The following KDM2B variants were observed in gnomAD, a reference collection of about 807,000 sequenced individuals.
KDM2B encodes lysine demethylase 2B.
A neutral mutation model predicts 150.0 loss-of-function variants in KDM2B; 26 were observed. The observed-to-expected ratio is 0.17, with a 90% CI of 0.13 to 0.24. The LOEUF (loss-of-function observed/expected upper bound fraction) is 0.24, where lower values mean the gene tolerates loss of function less well. Ranked by LOEUF, KDM2B falls within the 10% of genes least tolerant of loss-of-function variation. The pLI, the probability that KDM2B is intolerant of heterozygous loss-of-function variation, is 1.00. For missense variants in KDM2B, 1,265 were observed against 1,816.9 expected (o/e 0.70, Z 5.52); for synonymous variants, 734 against 729.5 (o/e 1.01, Z -0.10).
intron 4 of KDM2B, among the ~76,000 whole-genome samples, chr12:121,564,575 A>C (rs1428139495): frequency 6.6e-6 from 1 of 152,186 alleles, no homozygotes; most frequent in Non-Finnish European, 1.5e-5. Context: ...CAAACCCCAA[A>C]AATCAAATAC....
intron 12 of KDM2B, among the ~76,000 whole-genome samples, chr12:121,484,391 C>T (rs1882517225): frequency 6.6e-6 from 1 of 151,954 alleles, no homozygotes; most frequent in African/African-American, 2.4e-5. Flanking sequence ...TGGACTGGTC[C>T]AAGGAAATCA....
rs1872892891 is a variant in KDM2B, at chr12:121,430,914, T to TTGCTGGGTCAC, written c.3830-456_3830-446dup. Among the ~76,000 whole-genome samples the TTGCTGGGTCAC allele has an allele frequency of 6.6e-6, 1 of 152,184 alleles. No individual in the cohort carries two copies. Among genetic ancestry groups the TTGCTGGGTCAC allele is most frequent in the South Asian group, 2.1e-4 (1 of 4,828 alleles). The stretch of plus-strand genomic sequence containing the variant: ...CTTCAGATAAATTCCCAGAGGGGCA[T>TTGCTGGGTCAC]TGCTGGGTCACAGAAAGAACATCCC... On this transcript the variant is annotated intron_variant, in intron 22 of 22. Transcript: ENST00000377071. The surrounding 1 kb of genome is among the most constrained non-coding windows in gnomAD (Gnocchi z 4.4).
chr12:121,412,512 G>T, the KDM2B span, among the ~76,000 whole-genome samples: 21 of 151,720 alleles, frequency 1.4e-4, no homozygotes, highest in African/African-American at 5.1e-4. Context: ...CAAACTGCTA[G>T]GATTACAGGG....
intron 22 of KDM2B, among the ~76,000 whole-genome samples, chr12:121,436,860 G>A (rs115867639): frequency 0.031 from 4,774 of 152,286 alleles, 262 homozygotes; most frequent in African/African-American, 0.11. Context: ...AATGGTTTTA[G>A]ACCTTGCCTC....
chr12:121,516,759 G>A lies in KDM2B; in HGVS notation c.1048-3357C>T, dbSNP rs1303995111. The A allele has an allele frequency of 9.2e-6, 6 of 654,728 alleles. No homozygotes were observed. In the African/African-American group the frequency reaches 9.2e-5, roughly 10 times the overall value. 40.6% of individuals were successfully genotyped at this position (654,728 alleles called of 1,614,324 possible). The stretch of plus-strand genomic sequence containing the variant: ...TTCAAGCTGAGTGACCTCAGGAGAT[G>A]ACAACAAAAGGTTTCTCGAGTGTAT... On this transcript the variant is annotated intron_variant, in intron 9 of 22. Transcript: ENST00000377071.
At chr12:121,436,133 AC>A (rs1593716797) in intron 22 of KDM2B, among the ~76,000 whole-genome samples, 2 of 152,334 alleles carry the variant, frequency 1.3e-5, no homozygotes, top group East Asian at 3.9e-4. Flanking sequence ...TATAGGTTGA[AC>A]CATATGAAAA....
At chr12:121,504,360 C>T (rs547684936) in intron 11 of KDM2B, among the ~76,000 whole-genome samples, 3 of 152,160 alleles carry the variant, frequency 2.0e-5, no homozygotes, top group East Asian at 1.9e-4. Flanking sequence ...CATAGCAAGA[C>T]GTAGTCTCTA....
At chr12:121,483,127 C>A (rs1373836536) in intron 12 of KDM2B, among the ~76,000 whole-genome samples, 2 of 151,800 alleles carry the variant, frequency 1.3e-5, no homozygotes, top group East Asian at 3.9e-4. Flanking sequence ...TGCGCCACTG[C>A]ACTCCAGCCT....
At position 121,533,106 on chromosome 12, in the gene KDM2B, T is replaced by C. The variant is rs1485024868; in HGVS notation, c.778-147A>G. On this transcript the variant is annotated intron_variant, in intron 7 of 22. Coordinates refer to ENST00000377071, the MANE Select transcript of KDM2B (RefSeq NM_032590.5). This position sits in a 1 kb window ranked among gnomAD's most constrained non-coding sequence, Gnocchi z 4.1. Reference sequence around the variant, plus strand: ...TGGAGAGATGGCAGATCCATCCCTCTGGACTCTCTGCAAGGCCAGGTCCCT... The same window carrying C: ...TGGAGAGATGGCAGATCCATCCCTCCGGACTCTCTGCAAGGCCAGGTCCCT... 4.0e-6 allele frequency: 3 copies of C among 751,756 alleles called. No individual in the cohort carries two copies. The highest frequency in any genetic ancestry group is 6.4e-6 in the Non-Finnish European group (3 of 467,364). The allele number at this position is 751,756 out of a possible 1,614,324, so 46.6% of individuals were successfully genotyped here. A position where few individuals can be genotyped will look rare whatever the true frequency, so the allele number is the denominator to read the frequency against.
chr12:121,505,163 G>A (rs545675625), intron 11 of KDM2B, among the ~76,000 whole-genome samples: 1 of 150,114 alleles, frequency 6.7e-6, no homozygotes, highest in South Asian at 2.1e-4. Context: ...GCACATGCCT[G>A]TAATTCCAGC....
chr12:121,458,907 G>A (rs1308306363), intron 12 of KDM2B, among the ~76,000 whole-genome samples: 3 of 151,734 alleles, frequency 2.0e-5, no homozygotes, highest in Non-Finnish European at 2.9e-5. Context: ...TCAACCTGGT[G>A]AAACCCTGTC....
chr12:121,573,671 G>A (rs559084511), intron 4 of KDM2B, among the ~76,000 whole-genome samples: 1 of 138,180 alleles, frequency 7.2e-6, no homozygotes, highest in African/African-American at 2.5e-5. Flanking sequence ...AGCAAGCTCC[G>A]CCGCCTCCCA....
At chr12:121,566,609 A>T (rs569384692) in intron 4 of KDM2B, among the ~76,000 whole-genome samples, 3 of 152,108 alleles carry the variant, frequency 2.0e-5, no homozygotes, top group Admixed American at 2.0e-4. Context: ...CGACAAGCGA[A>T]ATTCTGTCTC....
At chr12:121,544,154 T>TA (rs1566399366) in intron 6 of KDM2B, among the ~76,000 whole-genome samples, 1 of 142,492 alleles carries the variant, frequency 7.0e-6, no homozygotes, top group African/African-American at 2.6e-5. Flanking sequence ...TACACACCTA[T>TA]AGTCCTAGCT....
intron 17 of KDM2B, 77 bp downstream of exon 17, chr12:121,443,603 C>A: frequency 1.2e-6 from 1 of 838,842 alleles, no homozygotes; most frequent in Admixed American, 1.7e-5. Context: ...GGGTGGAGGA[C>A]CAGCGGGGTG....
chr12:121,457,286 G>C (rs1184463808), intron 12 of KDM2B, among the ~76,000 whole-genome samples: 2 of 151,456 alleles, frequency 1.3e-5, no homozygotes, highest in Non-Finnish European at 2.9e-5. Context: ...TTTTGAGATA[G>C]AGTCTCACTG....
intron 12 of KDM2B, among the ~76,000 whole-genome samples, chr12:121,475,205 TGTG>T (rs1881227690): frequency 6.6e-6 from 1 of 151,666 alleles, no homozygotes; most frequent in Non-Finnish European, 1.5e-5. Context: ...TGTGTGTGTG[TGTG>T]TGTGTGTGTG....
chr12:121,442,540 G>A lies in KDM2B; in HGVS notation c.2901C>T (p.Asn967=), dbSNP rs200679634. ...CCGACTTGATGGGCTGCTGGTTCTC[G>A]TTGGCCAGGCTGTTCTCCGTCCTCT... is the stretch of plus-strand genomic sequence containing the variant. ...EIQRTENSLA[N]ENQQPIKSEP... is the part of the protein sequence containing the mutation. Residue 967 remains asparagine (N), a synonymous_variant, in exon 19 of 23, where the codon AAC becomes AAT. Coordinates refer to ENST00000377071, the MANE Select transcript of KDM2B (RefSeq NM_032590.5). The surrounding 1 kb of genome is among the most constrained non-coding windows in gnomAD (Gnocchi z 7.7). 827 of 1,599,916 alleles carry A rather than the reference G, an allele frequency of 5.2e-4. 3 individuals are homozygous for A. Among genetic ancestry groups the A allele is most frequent in the Admixed American group, 1.4e-3 (83 of 60,018 alleles).
rs1050878560 is a variant in KDM2B at position 121,527,132 on chromosome 12, C to G, written c.931+5674G>C. ...ACGTGATCTCTGCTCACTGCAAGCT[C>G]TGCCTCCCGGGTTCACACCATTCTC... On this transcript the variant is annotated intron_variant, in intron 8 of 22. Coordinates refer to ENST00000377071, the MANE Select transcript of KDM2B (RefSeq NM_032590.5). 7.7e-3 allele frequency among the ~76,000 whole-genome samples: 1,168 copies of G among 151,578 alleles called. 11 individuals are homozygous for G. Among genetic ancestry groups the G allele is most frequent in the African/African-American group, 0.027 (1,123 of 41,492 alleles).
Sources: gnomAD v4.1 joint callset for allele counts (sites outside exome capture counted in the v4.1 genomes callset) on GRCh38, gnomAD v4.1.1 for gene constraint, Gnocchi (gnomAD v3.1) non-coding constraint, MANE v1.5 for transcripts, NCBI Gene and HGNC (gene_info 2026-07-23, HGNC 2026-07-21) for gene names.